Variants in CLYBL observed in about 807,000 individuals in gnomAD.
CLYBL encodes citramalyl-CoA lyase, mitochondrial.
In CLYBL, 31 loss-of-function variants were observed where a neutral mutation model predicts 38.9. The observed-to-expected ratio is 0.80, with a 90% CI of 0.60 to 1.08. CLYBL has a LOEUF of 1.08. Among genes scored for constraint, CLYBL ranks in the 50% least tolerant of loss-of-function variants. The pLI, the probability that CLYBL is intolerant of heterozygous loss-of-function variation, is 0.00. For synonymous variants in CLYBL, 171 were observed against 158.6 expected (o/e 1.08, Z -0.59); for missense variants, 434 against 411.6 (o/e 1.05, Z -0.47).
At chr13:99,610,126 C>A (rs1169499906) in intron 1 of CLYBL, among the ~76,000 whole-genome samples, 2 of 152,328 alleles carry the variant, frequency 1.3e-5, no homozygotes, top group South Asian at 2.1e-4. Context: ...TGGTCTTGAA[C>A]TGCTGGGTTC....
intron 1 of CLYBL, among the ~76,000 whole-genome samples, chr13:99,658,388 A>G (rs1027395107): frequency 4.6e-5 from 7 of 152,210 alleles, no homozygotes; most frequent in African/African-American, 1.7e-4. Context: ...AGGCTCCCAG[A>G]AAGTTTCTGC....
intron 1 of CLYBL, among the ~76,000 whole-genome samples, chr13:99,615,414 C>T (rs76438664): frequency 0.012 from 1,775 of 152,232 alleles, 14 homozygotes; most frequent in Non-Finnish European, 0.02. Flanking sequence ...GCTATTAGTA[C>T]GTTTAATTAA....
intron 1 of CLYBL, among the ~76,000 whole-genome samples, chr13:99,668,758 T>C (rs1177537823): frequency 6.6e-6 from 1 of 152,022 alleles, no homozygotes. Flanking sequence ...GCTTCTGGGA[T>C]GCCAAGCTGG....
chr13:99,607,099 G>A (rs2046538681), intron 1 of CLYBL, among the ~76,000 whole-genome samples: 1 of 152,198 alleles, frequency 6.6e-6, no homozygotes, highest in East Asian at 1.9e-4. Flanking sequence ...GAACACCTGC[G>A]GTTCGTTTAA....
intron 1 of CLYBL, among the ~76,000 whole-genome samples, chr13:99,686,512 C>CAGAGAGAG (rs34750084): frequency 7.7e-4 from 115 of 150,216 alleles, no homozygotes; most frequent in African/African-American, 2.6e-3. Flanking sequence ...TTTGTTTCAA[C>CAGAGAGAG]AGAGAGAGAG....
rs201903936 is a variant in CLYBL, at chr13:99,676,202, T to G, written c.62+69445T>G. On this transcript the variant is annotated intron_variant, in intron 1 of 8. Transcript: ENST00000339105. Reference sequence around the variant, plus strand: ...CCTCCGTCCGTCCTTCCTTCCTTCCTTCCTTCCTTCCTTCCTTCCTTCCTT... The same window carrying G: ...CCTCCGTCCGTCCTTCCTTCCTTCCGTCCTTCCTTCCTTCCTTCCTTCCTT... 4.8e-4 allele frequency among the ~76,000 whole-genome samples: 32 copies of G among 66,560 alleles called. 1 individual carries two copies. Among genetic ancestry groups the G allele is most frequent in the South Asian group, 9.2e-4 (1 of 1,088 alleles). 43.7% of individuals were successfully genotyped at this position (66,560 alleles called of 152,430 possible).
intron 1 of CLYBL, among the ~76,000 whole-genome samples, chr13:99,732,788 G>A (rs559738609): frequency 6.6e-6 from 1 of 152,260 alleles, no homozygotes; most frequent in East Asian, 1.9e-4. Context: ...AGTCTCGACA[G>A]GATAACTTTA....
intron 1 of CLYBL, among the ~76,000 whole-genome samples, chr13:99,661,149 A>T (rs999079921): frequency 3.9e-5 from 6 of 152,198 alleles, no homozygotes; most frequent in African/African-American, 1.2e-4. Context: ...ATTGATTGTT[A>T]AATGTTGATT....
chr13:99,895,418 T>C (rs1594253269), downstream of CLYBL: 1 of 151,892 alleles, frequency 6.6e-6, no homozygotes, highest in African/African-American at 2.4e-5. Flanking sequence ...CGGCCGAGGG[T>C]CGGGTGTGAC....
intron 8 of CLYBL, among the ~76,000 whole-genome samples, chr13:99,902,583 C>A (rs1351517879): frequency 1.3e-5 from 2 of 152,172 alleles, no homozygotes; most frequent in African/African-American, 4.8e-5. Context: ...TTTTCATAGC[C>A]TCCAGTGTAG....
chr13:99,671,233 C>G (rs986417677), intron 1 of CLYBL, among the ~76,000 whole-genome samples: 1 of 152,232 alleles, frequency 6.6e-6, no homozygotes, highest in African/African-American at 2.4e-5. Flanking sequence ...TTCTCTCTCA[C>G]AGCATCCTGT....
chr13:99,638,154 C>G (rs904502786), intron 1 of CLYBL, among the ~76,000 whole-genome samples: 2 of 151,944 alleles, frequency 1.3e-5, no homozygotes, highest in Non-Finnish European at 2.9e-5. Context: ...AGAGATGTCT[C>G]CCCATGTTGC....
At chr13:99,656,847 G>A (rs1381446622) in intron 1 of CLYBL, among the ~76,000 whole-genome samples, 2 of 152,176 alleles carry the variant, frequency 1.3e-5, no homozygotes, top group African/African-American at 4.8e-5. Context: ...AATGCAAAAT[G>A]TCTTATTGCA....
intron 1 of CLYBL, among the ~76,000 whole-genome samples, chr13:99,701,054 C>T (rs368149914): frequency 2.6e-5 from 4 of 152,064 alleles, no homozygotes; most frequent in East Asian, 1.9e-4. Context: ...GAGCCCAGGC[C>T]GGTTGTCACT....
intron 2 of CLYBL, among the ~76,000 whole-genome samples, chr13:99,835,634 C>T (rs1381468718): frequency 6.6e-6 from 1 of 152,216 alleles, no homozygotes; most frequent in African/African-American, 2.4e-5. Flanking sequence ...CCTGTGCAAC[C>T]ACATGTGATA....
chr13:99,786,223 A>G lies in CLYBL; in HGVS notation c.249+13213A>G, dbSNP rs1345335494. 3.9e-5 allele frequency among the ~76,000 whole-genome samples: 3 copies of G among 77,488 alleles called. No individual in the cohort carries two copies. The East Asian group carries it at 1.0e-3, about 26-fold the overall frequency. 50.8% of individuals were successfully genotyped at this position (77,488 alleles called of 152,430 possible). ...TCCTTTTTTTTTTTTTTTTTTAATTATACTTTAAGTTCTAGGATACATGTG... is the reference window on the plus strand; with the variant it reads ...TCCTTTTTTTTTTTTTTTTTTAATTGTACTTTAAGTTCTAGGATACATGTG... On this transcript the variant is annotated intron_variant, in intron 2 of 8. Transcript: ENST00000339105.
chr13:99,880,546 A>G (rs770582035), intron 7 of CLYBL, among the ~76,000 whole-genome samples: 3 of 152,210 alleles, frequency 2.0e-5, no homozygotes, highest in Non-Finnish European at 4.4e-5. Context: ...CCACATCCCT[A>G]ACCTCTGCAT....
intron 1 of CLYBL, among the ~76,000 whole-genome samples, chr13:99,613,437 G>A (rs762636323): frequency 5.5e-4 from 83 of 152,176 alleles, no homozygotes; most frequent in Non-Finnish European, 8.5e-4. Flanking sequence ...GGGCCTGGAT[G>A]GGGTTACCTG....
chr13:99,906,471 G>A (rs980130908), intron 9 of CLYBL, among the ~76,000 whole-genome samples: 2 of 150,372 alleles, frequency 1.3e-5, no homozygotes, highest in Non-Finnish European at 1.5e-5. Context: ...AGTCTTGCTC[G>A]GTCACCCAGT....
Sources: gnomAD v4.1 joint callset for allele counts (sites outside exome capture counted in the v4.1 genomes callset) on GRCh38, gnomAD v4.1.1 for gene constraint, MANE v1.5 for transcripts, NCBI Gene and HGNC (gene_info 2026-07-23, HGNC 2026-07-21) for gene names.